Variants in CRACD observed in about 807,000 individuals in gnomAD.
The protein encoded by CRACD is capping protein-inhibiting regulator of actin dynamics.
A neutral mutation model predicts 106.8 loss-of-function variants in CRACD; 56 were observed. The observed-to-expected ratio is 0.52, with a 90% CI of 0.42 to 0.66. CRACD has a LOEUF of 0.66. Ranked by LOEUF, CRACD falls within the 30% of genes least tolerant of loss-of-function variation. The pLI, the probability that CRACD is intolerant of heterozygous loss-of-function variation, is 0.00. For synonymous variants in CRACD, 754 were observed against 670.8 expected (o/e 1.12, Z -1.92); for missense variants, 1,730 against 1,623.2 (o/e 1.07, Z -1.13).
chr4:56,125,632 G>A (rs1033756787), intron 1 of CRACD, among the ~76,000 whole-genome samples: 7 of 151,960 alleles, frequency 4.6e-5, no homozygotes, highest in African/African-American at 1.2e-4. Flanking sequence ...GTCCAGGTTT[G>A]TCTTGCATTC....
At chr4:56,161,054 G>T (rs1208591320) in intron 1 of CRACD, among the ~76,000 whole-genome samples, 1 of 152,098 alleles carries the variant, frequency 6.6e-6, no homozygotes, top group African/African-American at 2.4e-5. Flanking sequence ...AATAAGATTT[G>T]TAGTTTTAAA....
intron 2 of CRACD, among the ~76,000 whole-genome samples, chr4:56,252,437 C>T (rs1010785832): frequency 6.6e-6 from 1 of 152,202 alleles, no homozygotes; most frequent in Non-Finnish European, 1.5e-5. Flanking sequence ...AGCATACTCT[C>T]CTCCTAACTT....
intron 1 of CRACD, among the ~76,000 whole-genome samples, chr4:56,171,837 T>G (rs1466195413): frequency 1.3e-5 from 2 of 152,060 alleles, no homozygotes; most frequent in Admixed American, 1.3e-4. Context: ...TGAATATGTT[T>G]CCATGTGCTC....
chr4:56,226,480 A>T (rs753255), intron 2 of CRACD, among the ~76,000 whole-genome samples: 81,558 of 151,902 alleles, frequency 0.54, 22,528 homozygotes, highest in East Asian at 0.84. Flanking sequence ...ACTCCAGAGG[A>T]CTATAGTGCA....
chr4:56,290,038 G>A (rs1173183996), intron 3 of CRACD, among the ~76,000 whole-genome samples: 5 of 152,160 alleles, frequency 3.3e-5, no homozygotes, highest in Admixed American at 2.0e-4. Flanking sequence ...CCCTGTCATC[G>A]CTGATACAGT....
intron 1 of CRACD, among the ~76,000 whole-genome samples, chr4:56,060,984 C>T (rs921393754): frequency 2.6e-5 from 4 of 152,140 alleles, no homozygotes; most frequent in African/African-American, 9.7e-5. Context: ...TATAAGCCAC[C>T]CAGTCAATGA....
At chr4:56,167,394 T>C (rs940565069) in intron 1 of CRACD, among the ~76,000 whole-genome samples, 2 of 152,220 alleles carry the variant, frequency 1.3e-5, no homozygotes, top group African/African-American at 2.4e-5. Flanking sequence ...TATAAAGTGG[T>C]GCTATGATAT....
At chr4:56,283,661 A>G (rs181320406) in intron 3 of CRACD, among the ~76,000 whole-genome samples, 213 of 152,316 alleles carry the variant, frequency 1.4e-3, no homozygotes, top group African/African-American at 4.7e-3. Context: ...GTGCGGCCTA[A>G]TGGCGGCTGT....
intron 1 of CRACD, among the ~76,000 whole-genome samples, chr4:56,120,054 G>A (rs1417176826): frequency 2.0e-5 from 3 of 152,164 alleles, no homozygotes; most frequent in African/African-American, 7.2e-5. Flanking sequence ...TAAATAGGTT[G>A]TGTGAAGGTG....
chr4:56,312,481 C>T (rs932978492), intron 6 of CRACD, among the ~76,000 whole-genome samples: 6 of 152,142 alleles, frequency 3.9e-5, no homozygotes, highest in Non-Finnish European at 5.9e-5. Flanking sequence ...ACATTTTTGT[C>T]GATCAGGAAT....
chr4:56,242,837 G>A (rs905513381), intron 2 of CRACD, among the ~76,000 whole-genome samples: 1 of 152,122 alleles, frequency 6.6e-6, no homozygotes, highest in Non-Finnish European at 1.5e-5. Context: ...GCGAGGGAGG[G>A]TAGGAACGAG....
At chr4:56,224,157 T>A (rs961693822) in intron 2 of CRACD, among the ~76,000 whole-genome samples, 6 of 152,136 alleles carry the variant, frequency 3.9e-5, no homozygotes, top group South Asian at 2.1e-4. Context: ...TATTTTTTTT[T>A]ATTGGAATTG....
chr4:56,203,682 T>C (rs1737991369), intron 2 of CRACD, among the ~76,000 whole-genome samples: 1 of 152,130 alleles, frequency 6.6e-6, no homozygotes, highest in South Asian at 2.1e-4. Context: ...AAAATGAAAA[T>C]GTGGAGCCAT....
rs1049740577 is a variant in CRACD, at chr4:56,330,340, A to G, written c.*2536A>G. Among the ~76,000 whole-genome samples, 2 of 152,132 alleles carry G rather than the reference A, an allele frequency of 1.3e-5. No individual in the cohort carries two copies. The highest frequency in any genetic ancestry group is 4.8e-5 in the African/African-American group (2 of 41,432). ...TGCAATTGTTTCTTACACAGACATTATTACTATTAAATTATCATTTAGCCA... is the reference window on the plus strand; with the variant it reads ...TGCAATTGTTTCTTACACAGACATTGTTACTATTAAATTATCATTTAGCCA... On this transcript the variant is annotated 3_prime_UTR_variant, in exon 11 of 11. Transcript: ENST00000682029.
chr4:56,201,721 A>G (rs1737890039), intron 2 of CRACD, among the ~76,000 whole-genome samples: 2 of 152,350 alleles, frequency 1.3e-5, no homozygotes, highest in South Asian at 2.1e-4. Flanking sequence ...AACAATTTTG[A>G]AAATTGATAA....
At chr4:56,187,231 G>T (rs1737127545) in intron 2 of CRACD, among the ~76,000 whole-genome samples, 1 of 152,124 alleles carries the variant, frequency 6.6e-6, no homozygotes, top group South Asian at 2.1e-4. Context: ...AGTGATATTT[G>T]AGAGAGTTTT....
At position 56,277,463 on chromosome 4, in the gene CRACD, A is replaced by C. The variant is rs1237249756; in HGVS notation, c.-17+4971A>C. On this transcript the variant is annotated intron_variant, in intron 3 of 10. Coordinates refer to ENST00000682029, the MANE Select transcript of CRACD (RefSeq NM_001393381.1). The stretch of plus-strand genomic sequence containing the variant: ...ATCCTTTCATGATTTATAAAAAAAA[A>C]AAAATAGACAACACTGGAAATAGAA... Among the ~76,000 whole-genome samples the C allele has an allele frequency of 2.0e-5, 3 of 152,072 alleles. No individual in the cohort carries two copies. The East Asian group carries it at 5.8e-4, about 29-fold the overall frequency.
intron 2 of CRACD, among the ~76,000 whole-genome samples, chr4:56,251,396 G>A (rs1001335717): frequency 6.6e-6 from 1 of 152,194 alleles, no homozygotes; most frequent in Non-Finnish European, 1.5e-5. Context: ...AAAATATCAG[G>A]TGATGCGATT....
intron 8 of CRACD, among the ~76,000 whole-genome samples, chr4:56,319,955 T>C (rs552751013): frequency 8.7e-4 from 133 of 152,204 alleles, no homozygotes; most frequent in African/African-American, 3.2e-3. Context: ...GGCAGATCAC[T>C]TGAGGCAAGG....
Sources: allele counts gnomAD v4.1 joint callset (sites outside exome capture counted in the v4.1 genomes callset), GRCh38; gene constraint gnomAD v4.1.1; transcripts MANE v1.5; gene names NCBI Gene and HGNC (gene_info 2026-07-23, HGNC 2026-07-21).